ZFPM2: variants seen among roughly 807,000 people sequenced by gnomAD.
ZFPM2 encodes the protein zinc finger protein, FOG family member 2.
In ZFPM2, 20 loss-of-function variants were observed where a neutral mutation model predicts 98.6. That is an observed-to-expected ratio of 0.20 (90% CI 0.14 to 0.29). ZFPM2 has a LOEUF of 0.29. Ranked by LOEUF, ZFPM2 falls within the 10% of genes least tolerant of loss-of-function variation. ZFPM2 has a pLI of 1.00. For missense variants in ZFPM2, 1,310 were observed against 1,388.6 expected, an observed-to-expected ratio of 0.94 and a Z score of 0.90; for synonymous variants, 518 against 502.7, an observed-to-expected ratio of 1.03 and a Z score of -0.41.
chr8:105,648,757 A>G (rs1817106850), intron 5 of ZFPM2, among the ~76,000 whole-genome samples: 1 of 152,186 alleles, frequency 6.6e-6, no homozygotes, highest in Non-Finnish European at 1.5e-5. Context: ...TGGTACCAGT[A>G]CCATGCTGTT....
intron 7 of ZFPM2, among the ~76,000 whole-genome samples, chr8:105,800,479 G>A (rs1168190020): frequency 6.6e-6 from 1 of 151,860 alleles, no homozygotes; most frequent in Non-Finnish European, 1.5e-5. Flanking sequence ...ACTATGTTCA[G>A]CAAAACTACT....
At chr8:105,759,580 TTGTGTG>T (rs5893760) in intron 5 of ZFPM2, among the ~76,000 whole-genome samples, 45 of 146,978 alleles carry the variant, frequency 3.1e-4, no homozygotes, top group African/African-American at 7.4e-4. Context: ...TTGATAATCC[TTGTGTG>T]TGTGTGTGTG....
At chr8:105,510,412 TG>T (rs59699798) in intron 3 of ZFPM2, among the ~76,000 whole-genome samples, 32,946 of 139,010 alleles carry the variant, frequency 0.24, 3,843 homozygotes, top group East Asian at 0.52. Flanking sequence ...TTTTTTTTTT[TG>T]TTTGTTTGTT....
rs149262095 is a variant in ZFPM2, at chr8:105,533,649, C to G, written c.302-27714C>G. On this transcript the variant is annotated intron_variant, in intron 3 of 7. Transcript: ENST00000407775. ...ACTCCTTAGGCCCTTTCCCTCCCTCCCTCCCTCTCTCCTTTCCTTCGTTCG... is the reference window on the plus strand; with the variant it reads ...ACTCCTTAGGCCCTTTCCCTCCCTCGCTCCCTCTCTCCTTTCCTTCGTTCG... 4.2e-3 allele frequency among the ~76,000 whole-genome samples: 626 copies of G among 149,250 alleles called. 3 individuals carry two copies. The highest frequency in any genetic ancestry group is 5.6e-3 in the Non-Finnish European group (379 of 67,122).
At chr8:105,752,819 C>G (rs1163974003) in intron 5 of ZFPM2, among the ~76,000 whole-genome samples, 1 of 151,580 alleles carries the variant, frequency 6.6e-6, no homozygotes, top group Non-Finnish European at 1.5e-5. Context: ...CTTTTTTTCC[C>G]TAAGTACATA....
intron 4 of ZFPM2, among the ~76,000 whole-genome samples, chr8:105,627,587 A>G (rs1364528389): frequency 3.9e-5 from 6 of 152,226 alleles, no homozygotes; most frequent in Admixed American, 1.3e-4. Flanking sequence ...AAAACTTTGT[A>G]TAAGTGAGAA....
At chr8:105,370,642 T>A (rs1810602784) in intron 1 of ZFPM2, among the ~76,000 whole-genome samples, 1 of 152,220 alleles carries the variant, frequency 6.6e-6, no homozygotes, top group Admixed American at 6.5e-5. Flanking sequence ...ATTAATGGGA[T>A]TAAGTCAAGA....
intron 1 of ZFPM2, among the ~76,000 whole-genome samples, chr8:105,331,226 T>A (rs1320697801): frequency 6.6e-6 from 1 of 150,990 alleles, no homozygotes; most frequent in African/African-American, 2.4e-5. Flanking sequence ...ATAATTATGA[T>A]CAACAATTCT....
chr8:105,749,049 T>C (rs1812415476), intron 5 of ZFPM2, among the ~76,000 whole-genome samples: 1 of 152,052 alleles, frequency 6.6e-6, no homozygotes, highest in African/African-American at 2.4e-5. Context: ...CAACATTCTT[T>C]ATTAACTCAC....
chr8:105,363,941 T>C (rs527663113), intron 1 of ZFPM2, among the ~76,000 whole-genome samples: 33 of 152,292 alleles, frequency 2.2e-4, no homozygotes, highest in African/African-American at 6.5e-4. Context: ...TTATAGTCTG[T>C]CTTATGTACT....
intron 5 of ZFPM2, among the ~76,000 whole-genome samples, chr8:105,657,292 C>T (rs1817304281): frequency 6.6e-6 from 1 of 152,076 alleles, no homozygotes; most frequent in African/African-American, 2.4e-5. Flanking sequence ...GCGCCTGCCA[C>T]CACACCTGGC....
chr8:105,608,718 AC>A (rs1816246936), intron 4 of ZFPM2, among the ~76,000 whole-genome samples: 1 of 151,882 alleles, frequency 6.6e-6, no homozygotes, highest in Non-Finnish European at 1.5e-5. Flanking sequence ...AAAAAGAAAT[AC>A]AAATATCCAG....
intron 3 of ZFPM2, among the ~76,000 whole-genome samples, chr8:105,464,059 CTCTT>C (rs2130314682): frequency 6.6e-6 from 1 of 152,186 alleles, no homozygotes; most frequent in African/African-American, 2.4e-5. Flanking sequence ...CTTCTTATCT[CTCTT>C]TCCTTTTCTC....
chr8:105,573,200 G>C (rs1395384627), intron 4 of ZFPM2, among the ~76,000 whole-genome samples: 3 of 152,070 alleles, frequency 2.0e-5, no homozygotes, highest in Non-Finnish European at 4.4e-5. Flanking sequence ...GCATCCCTCT[G>C]AGCAAGCAGA....
At chr8:105,577,021 A>G (rs184206637) in intron 4 of ZFPM2, among the ~76,000 whole-genome samples, 2 of 152,220 alleles carry the variant, frequency 1.3e-5, no homozygotes, top group East Asian at 3.9e-4. Context: ...TTTCATAACT[A>G]TTCTAACAGT....
Position 105,483,260 on chromosome 8 carries a change from C to T in ZFPM2, c.301+38879C>T, listed in dbSNP as rs533251399. Among the ~76,000 whole-genome samples the T allele has an allele frequency of 5.9e-5, 9 of 152,080 alleles. No homozygotes were observed. In the South Asian group the frequency reaches 1.7e-3, roughly 28 times the overall value. Reference sequence around the variant, plus strand: ...GTCTAAACAAAAACTTTATTCAGCCCTCACTGTTGAATAATAAATTGGCTA... The same window carrying T: ...GTCTAAACAAAAACTTTATTCAGCCTTCACTGTTGAATAATAAATTGGCTA... On this transcript the variant is annotated intron_variant, in intron 3 of 7. Transcript: ENST00000407775.
At chr8:105,799,476 G>A (rs1323594832) in intron 7 of ZFPM2, among the ~76,000 whole-genome samples, 1 of 152,016 alleles carries the variant, frequency 6.6e-6, no homozygotes, top group East Asian at 1.9e-4. Flanking sequence ...CAGCTTAGGT[G>A]GTTTTTATGA....
At chr8:105,600,032 G>A (rs1322791922) in intron 4 of ZFPM2, among the ~76,000 whole-genome samples, 1 of 152,108 alleles carries the variant, frequency 6.6e-6, no homozygotes, top group Non-Finnish European at 1.5e-5. Flanking sequence ...AGGAACTTGT[G>A]GAAATATTGA....
chr8:105,646,154 G>A (rs532098371), intron 5 of ZFPM2, among the ~76,000 whole-genome samples: 2 of 152,154 alleles, frequency 1.3e-5, no homozygotes, highest in South Asian at 2.1e-4. Flanking sequence ...AATAATGGTG[G>A]CATTAGCATG....
Sources: gnomAD v4.1 joint callset for allele counts (sites outside exome capture counted in the v4.1 genomes callset) on GRCh38, gnomAD v4.1.1 for gene constraint, MANE v1.5 for transcripts, NCBI Gene and HGNC (gene_info 2026-07-23, HGNC 2026-07-21) for gene names.